KDM2A: variants seen among roughly 807,000 people sequenced by gnomAD.
The protein encoded by KDM2A is lysine-specific demethylase 2A.
In KDM2A, 3 loss-of-function variants were observed where a neutral mutation model predicts 137.3. That is an observed-to-expected ratio of 0.02 (90% CI 0.01 to 0.06). KDM2A has a LOEUF of 0.06. Among genes scored for constraint, KDM2A ranks in the 10% least tolerant of loss-of-function variants. The pLI, the probability that KDM2A is intolerant of heterozygous loss-of-function variation, is 1.00. For missense variants in KDM2A, 738 were observed against 1,510.6 expected (o/e 0.49, Z 8.48); for synonymous variants, 512 against 541.5 (o/e 0.95, Z 0.76).
At chr11:67,207,782 T>C in intron 6 of KDM2A, 94 bp downstream of exon 6, 1 of 1,059,070 alleles carries the variant, frequency 9.4e-7, no homozygotes. Flanking sequence ...CCCAGCACTT[T>C]GGGAGGCCAA....
chr11:67,207,751 T>A, intron 6 of KDM2A, 63 bp downstream of exon 6: 1 of 1,327,986 alleles, frequency 7.5e-7, no homozygotes, highest in African/African-American at 1.5e-5. Flanking sequence ...CGGCTGGACG[T>A]TGGTAACTGA....
intron 5 of KDM2A, among the ~76,000 whole-genome samples, chr11:67,192,822 C>T (rs997387422): frequency 3.3e-5 from 5 of 151,954 alleles, no homozygotes; most frequent in Non-Finnish European, 7.4e-5. Context: ...AGAGTTTAGA[C>T]GGTATAAGCC....
chr11:67,252,845 A>C lies in KDM2A; in HGVS notation c.2920A>C (p.Asn974His), dbSNP rs776398252. The C allele has an allele frequency of 1.9e-6, 3 of 1,606,490 alleles. No individual in the cohort carries two copies. The highest frequency in any genetic ancestry group is 2.6e-6 in the Non-Finnish European group (3 of 1,174,182). The stretch of plus-strand genomic sequence containing the variant: ...TAAAAAGCAACTGACATGGCTCGTC[A>C]ATAGGCTGCCAGGTAAGTGAGCAGC... ...ISKKQLTWLV[N>H]RLPGLKDLLL... is the part of the protein sequence containing the mutation. Residue 974 changes from asparagine (N) to histidine (H), a missense_variant, in exon 18 of 21, where the codon AAT becomes CAT. Asn to His is a moderately conservative substitution (Grantham distance 68). This residue lies in a region of KDM2A where 166 missense variants were observed against 324.0 expected (regional missense o/e 0.51). Coordinates refer to ENST00000529006, the MANE Select transcript of KDM2A (RefSeq NM_012308.3).
chr11:67,242,680 G>A (rs529044060), intron 12 of KDM2A, among the ~76,000 whole-genome samples: 2 of 152,090 alleles, frequency 1.3e-5, no homozygotes, highest in East Asian at 3.9e-4. Flanking sequence ...ACCACCATCC[G>A]CCCCCAGTAG....
At chr11:67,148,870 T>C (rs1192045286) in intron 2 of KDM2A, among the ~76,000 whole-genome samples, 7 of 152,090 alleles carry the variant, frequency 4.6e-5, no homozygotes, top group South Asian at 2.1e-4. Context: ...TGAAATTGTC[T>C]ATGGTATTTT....
intron 6 of KDM2A, among the ~76,000 whole-genome samples, chr11:67,215,133 A>G (rs1290319951): frequency 1.3e-5 from 2 of 152,234 alleles, no homozygotes; most frequent in Non-Finnish European, 2.9e-5. Flanking sequence ...TGATGGAATG[A>G]TTAATCTTTA....
At chr11:67,133,294 G>T (rs1855892954) in intron 2 of KDM2A, among the ~76,000 whole-genome samples, 1 of 151,968 alleles carries the variant, frequency 6.6e-6, no homozygotes, top group African/African-American at 2.4e-5. Context: ...TAGAGATGGT[G>T]TTTTACCATG....
chr11:67,243,817 GA>G (rs887287117), intron 13 of KDM2A: 11 of 149,986 alleles, frequency 7.3e-5, no homozygotes, highest in Admixed American at 2.0e-4. Context: ...CTGTCTCAAA[GA>G]AAAAAAAAGA....
In KDM2A at chr11:67,250,823, G is replaced by C. The variant is rs2136461709; in HGVS notation, c.2768+25G>C. 4.0e-6 allele frequency: 6 copies of C among 1,498,324 alleles called. No individual in the cohort carries two copies. The highest frequency in any genetic ancestry group is 5.4e-6 in the Non-Finnish European group (6 of 1,115,894). 92.8% of individuals were successfully genotyped at this position (1,498,324 alleles called of 1,614,324 possible). On this transcript the variant is annotated intron_variant, in intron 17 of 20. Transcript: ENST00000529006. This position sits in a 1 kb window ranked among gnomAD's most constrained non-coding sequence, Gnocchi z 7.1. ...GGTGAGCAGGGATTCAGGGGGTCAGGAATTAGGGGTATGGGAGTAGGTGGC... is the reference window on the plus strand; with the variant it reads ...GGTGAGCAGGGATTCAGGGGGTCAGCAATTAGGGGTATGGGAGTAGGTGGC...
At chr11:67,164,309 T>C (rs1316071476) in intron 2 of KDM2A, among the ~76,000 whole-genome samples, 2 of 152,210 alleles carry the variant, frequency 1.3e-5, no homozygotes, top group African/African-American at 2.4e-5. Context: ...ATTTTTGATT[T>C]CAGATATAAG....
chr11:67,162,990 T>G (rs1273735974), intron 2 of KDM2A, among the ~76,000 whole-genome samples: 1 of 152,188 alleles, frequency 6.6e-6, no homozygotes, highest in African/African-American at 2.4e-5. Flanking sequence ...GATTATAGGC[T>G]TGAGCCACCA....
chr11:67,249,973 A>T (rs956199608), intron 16 of KDM2A, 113 bp from the exon 17 acceptor site: 4 of 617,114 alleles, frequency 6.5e-6, no homozygotes, highest in Non-Finnish European at 9.2e-6. Context: ...CCCCTCTCCA[A>T]CGTGACCTTT....
chr11:67,141,232 A>G (rs1856091410), intron 2 of KDM2A, among the ~76,000 whole-genome samples: 1 of 152,026 alleles, frequency 6.6e-6, no homozygotes, highest in South Asian at 2.1e-4. Context: ...ATTTTTCCAT[A>G]TTGTTTTGGG....
rs1430692171 is a variant in KDM2A at position 67,170,404 on chromosome 11, CT to C, written c.43-9672del. 2.9e-3 allele frequency among the ~76,000 whole-genome samples: 332 copies of C among 113,780 alleles called. 2 individuals carry two copies. Among genetic ancestry groups the C allele is most frequent in the Non-Finnish European group, 5.2e-3 (288 of 55,292 alleles). The allele number at this position is 113,780 out of a possible 152,430, so 74.6% of individuals were successfully genotyped here. ...AGCATGGGGTTTTTTTTTTTTCTTTCTTTCTTTTTTTTTTTTTTTTTTTTTT... is the reference window on the plus strand; with the variant it reads ...AGCATGGGGTTTTTTTTTTTTCTTTCTTCTTTTTTTTTTTTTTTTTTTTTT... On this transcript the variant is annotated intron_variant, in intron 2 of 20. Transcript: ENST00000529006.
At chr11:67,170,107 G>A (rs926941151) in intron 2 of KDM2A, among the ~76,000 whole-genome samples, 7 of 152,022 alleles carry the variant, frequency 4.6e-5, no homozygotes, top group African/African-American at 1.4e-4. Flanking sequence ...ACAAATATAG[G>A]AAGTGAGAAC....
intron 2 of KDM2A, among the ~76,000 whole-genome samples, chr11:67,122,730 C>T (rs960622397): frequency 6.6e-6 from 1 of 151,388 alleles, no homozygotes; most frequent in Non-Finnish European, 1.5e-5. Context: ...GGCTGGAGTG[C>T]AGTGGCGCAA....
In KDM2A at chr11:67,254,170, G is replaced by A. The variant is rs992192989; in HGVS notation, c.3092-33G>A. 1.3e-6 allele frequency: 2 copies of A among 1,582,892 alleles called. No individual in the cohort carries two copies. The highest frequency in any genetic ancestry group is 1.3e-5 in the African/African-American group (1 of 74,244). The stretch of plus-strand genomic sequence containing the variant: ...TTGAAGCTGGATTAGAGAATTGAGA[G>A]TTTTGATCTAGGCTCTTCTCTTGCC... On this transcript the variant is annotated intron_variant, in intron 19 of 20. Transcript: ENST00000529006. The surrounding 1 kb of genome is among the most constrained non-coding windows in gnomAD (Gnocchi z 4.7).
intron 5 of KDM2A, among the ~76,000 whole-genome samples, chr11:67,205,419 G>A (rs946631188): frequency 2.0e-5 from 3 of 152,004 alleles, no homozygotes; most frequent in Admixed American, 6.6e-5. Context: ...CAGGGTATCA[G>A]GTTCTAATGC....
chr11:67,127,283 G>A (rs1260552295), intron 2 of KDM2A, among the ~76,000 whole-genome samples: 1 of 151,880 alleles, frequency 6.6e-6, no homozygotes, highest in Non-Finnish European at 1.5e-5. Flanking sequence ...TTTCTGTAAA[G>A]GCAGGCTATC....
Sources: gnomAD v4.1 joint callset for allele counts (sites outside exome capture counted in the v4.1 genomes callset) on GRCh38, gnomAD v4.1.1 for gene constraint, gnomAD v4.1.1 regional missense constraint, Gnocchi (gnomAD v3.1) non-coding constraint, MANE v1.5 for transcripts, NCBI Gene and HGNC (gene_info 2026-07-23, HGNC 2026-07-21) for gene names.